ARNT2: variants seen among roughly 807,000 people sequenced by gnomAD.
ARNT2 encodes aryl hydrocarbon receptor nuclear translocator 2, also known as ARNT protein 2.
ARNT2 carries 36 observed loss-of-function variants against 91.7 expected under a neutral mutation model. The ratio of observed to expected loss-of-function variants is 0.39; its 90% CI spans 0.30 to 0.52. The LOEUF (loss-of-function observed/expected upper bound fraction) is 0.52. ARNT2 is among the 20% of genes least tolerant of loss of function. ARNT2 has a pLI of 0.72. For synonymous variants in ARNT2, 365 were observed against 347.1 expected, an observed-to-expected ratio of 1.05 and a Z score of -0.57; for missense variants, 775 against 939.3, an observed-to-expected ratio of 0.83 and a Z score of 2.29.
At chr15:80,585,247 C>A (rs1898874363) in intron 17 of ARNT2, among the ~76,000 whole-genome samples, 1 of 152,140 alleles carries the variant, frequency 6.6e-6, no homozygotes, top group Non-Finnish European at 1.5e-5. Context: ...ATGTAGCATC[C>A]ACTAGGAAAC....
intron 4 of ARNT2, among the ~76,000 whole-genome samples, chr15:80,472,118 G>T (rs201369024): frequency 9.6e-3 from 3 of 312 alleles, no homozygotes; most frequent in South Asian, 0.33. Flanking sequence ...GGGGGGCATT[G>T]GGGTGGGGAG....
At chr15:80,531,107 C>T (rs1479379530) in intron 8 of ARNT2, among the ~76,000 whole-genome samples, 2 of 152,206 alleles carry the variant, frequency 1.3e-5, no homozygotes, top group Admixed American at 1.3e-4. Context: ...CTGCTCGTAG[C>T]AGAAGGTGGT....
intron 8 of ARNT2, among the ~76,000 whole-genome samples, chr15:80,522,781 CTG>C (rs1318314705): frequency 7.7e-6 from 1 of 129,392 alleles, no homozygotes; most frequent in Non-Finnish European, 1.6e-5. Flanking sequence ...ATATATATAT[CTG>C]TTTGATATTT....
At chr15:80,503,287 G>T (rs1215646169) in intron 5 of ARNT2, among the ~76,000 whole-genome samples, 1 of 152,170 alleles carries the variant, frequency 6.6e-6, no homozygotes, top group Non-Finnish European at 1.5e-5. Flanking sequence ...ACTTGATTTT[G>T]TACATCTCAA....
chr15:80,516,828 AAT>A (rs56146872), intron 8 of ARNT2, among the ~76,000 whole-genome samples: 1,674 of 74,798 alleles, frequency 0.022, 104 homozygotes, highest in African/African-American at 0.056. Flanking sequence ...TACAATTACA[AAT>A]ATATATATAT....
chr15:80,467,029 G>C (rs1896665530), intron 3 of ARNT2, among the ~76,000 whole-genome samples: 1 of 152,224 alleles, frequency 6.6e-6, no homozygotes, highest in African/African-American at 2.4e-5. Flanking sequence ...AAGCTCTTTG[G>C]ATAATAGTAT....
At chr15:80,587,413 G>T (rs571218743) in intron 17 of ARNT2, among the ~76,000 whole-genome samples, 2 of 151,896 alleles carry the variant, frequency 1.3e-5, no homozygotes, top group Non-Finnish European at 2.9e-5. Flanking sequence ...TGGTGGGGGG[G>T]TGGGGTTGCG....
chr15:80,505,883 G>A (rs1012153023), intron 5 of ARNT2, among the ~76,000 whole-genome samples: 6 of 150,696 alleles, frequency 4.0e-5, no homozygotes, highest in African/African-American at 1.5e-4. Context: ...GCTTCCAAGA[G>A]AGGTCTGGCT....
At chr15:80,523,843 G>GT (rs1897592620) in intron 8 of ARNT2, among the ~76,000 whole-genome samples, 2 of 152,174 alleles carry the variant, frequency 1.3e-5, no homozygotes, top group Non-Finnish European at 2.9e-5. Flanking sequence ...AGTGTACAGG[G>GT]TAACAGAGCA....
At chr15:80,491,545 G>A (rs538764045) in intron 5 of ARNT2, among the ~76,000 whole-genome samples, 4 of 152,292 alleles carry the variant, frequency 2.6e-5, no homozygotes, top group South Asian at 4.1e-4. Context: ...AGGGGGAAAC[G>A]TCAGGCCAGG....
chr15:80,478,460 G>A lies in ARNT2; in HGVS notation c.622+3237G>A, dbSNP rs770798975. On this transcript the variant is annotated intron_variant, in intron 5 of 18. Transcript: ENST00000303329. ...TCCTCGGAGTGGACACTGGACTGTG[G>A]CCAAGGCAGCCAGAACCAGTACAGT... is the stretch of plus-strand genomic sequence containing the variant. 6.6e-5 allele frequency among the ~76,000 whole-genome samples: 10 copies of A among 152,346 alleles called. No homozygotes were observed. In the East Asian group the frequency reaches 7.7e-4, roughly 12 times the overall value.
At chr15:80,432,125 C>A (rs1266582927) in intron 1 of ARNT2, among the ~76,000 whole-genome samples, 1 of 152,252 alleles carries the variant, frequency 6.6e-6, no homozygotes, top group Non-Finnish European at 1.5e-5. Context: ...GGTAAAAATG[C>A]AGCATCTGTT....
chr15:80,569,158 C>G lies in ARNT2; in HGVS notation c.1317-4990C>G, dbSNP rs143407718. Among the ~76,000 whole-genome samples the G allele has an allele frequency of 4.3e-3, 661 of 152,306 alleles. 2 individuals carry two copies. Among genetic ancestry groups the G allele is most frequent in the African/African-American group, 0.015 (628 of 41,574 alleles). On this transcript the variant is annotated intron_variant, in intron 12 of 18. Coordinates refer to ENST00000303329, the MANE Select transcript of ARNT2 (RefSeq NM_014862.4). ...ATGATTCCAGCTACCTCAGAATGCC[C>G]GCTTCATGGCTTCTTGCTCACTTAC...
rs375492528 is a variant in ARNT2, at chr15:80,412,450, A to T, written c.31+7904A>T. Among the ~76,000 whole-genome samples, 7 of 152,288 alleles carry T rather than the reference A, an allele frequency of 4.6e-5. No individual in the cohort carries two copies. In the South Asian group the frequency reaches 1.5e-3, roughly 32 times the overall value. On this transcript the variant is annotated intron_variant, in intron 1 of 18. Coordinates refer to ENST00000303329, the MANE Select transcript of ARNT2 (RefSeq NM_014862.4). Reference sequence around the variant, plus strand: ...ACACTAAGATAATTCTGCCACCCATAACTAACATTTTTGCGTATATCCTTA... The same window carrying T: ...ACACTAAGATAATTCTGCCACCCATTACTAACATTTTTGCGTATATCCTTA...
Position 80,591,448 on chromosome 15 carries a change from C to A in ARNT2, c.1919-120C>A. 1 of 1,287,230 alleles carries A rather than the reference C, an allele frequency of 7.8e-7. No homozygotes were observed. The highest frequency in any genetic ancestry group is 1.3e-5 in the South Asian group (1 of 74,402). 79.7% of individuals were successfully genotyped at this position (1,287,230 alleles called of 1,614,324 possible). On this transcript the variant is annotated intron_variant, in intron 17 of 18. Coordinates refer to ENST00000303329, the MANE Select transcript of ARNT2 (RefSeq NM_014862.4). The surrounding 1 kb of genome is among the most constrained non-coding windows in gnomAD (Gnocchi z 5.1). ...GACGAGGATAGCAAACACATTCCGC[C>A]AGCTCTGGATGGAACGTGCCTTTCA...
chr15:80,459,817 CAT>C (rs1230560333), intron 3 of ARNT2, among the ~76,000 whole-genome samples: 1 of 152,226 alleles, frequency 6.6e-6, no homozygotes, highest in Admixed American at 6.5e-5. Context: ...GTGTTTCCAG[CAT>C]ATGCTGTTAC....
At chr15:80,565,301 C>T (rs1898457852) in intron 12 of ARNT2, among the ~76,000 whole-genome samples, 2 of 152,168 alleles carry the variant, frequency 1.3e-5, no homozygotes, top group African/African-American at 4.8e-5. Flanking sequence ...AATAGTGTTG[C>T]AATGAACCTG....
rs918838590 is a variant in ARNT2, at chr15:80,404,961, A to G, written c.31+415A>G. 1.3e-4 allele frequency among the ~76,000 whole-genome samples: 20 copies of G among 152,060 alleles called. No individual in the cohort carries two copies. The highest frequency in any genetic ancestry group is 2.6e-4 in the Non-Finnish European group (18 of 67,998). Reference sequence around the variant, plus strand: ...AGGGCTCCGCGCTGACGGAGGGAAAAGTTTGGAGCTGGGATTCAACAGGGT... The same window carrying G: ...AGGGCTCCGCGCTGACGGAGGGAAAGGTTTGGAGCTGGGATTCAACAGGGT... On this transcript the variant is annotated intron_variant, in intron 1 of 18. Transcript: ENST00000303329. The surrounding 1 kb of genome is among the most constrained non-coding windows in gnomAD (Gnocchi z 5.5).
chr15:80,545,134 G>A (rs571448098), intron 8 of ARNT2, among the ~76,000 whole-genome samples: 1 of 152,266 alleles, frequency 6.6e-6, no homozygotes, highest in South Asian at 2.1e-4. Context: ...CAGACCTTGG[G>A]GCAGTAACCC....
Sources: allele counts gnomAD v4.1 joint callset (sites outside exome capture counted in the v4.1 genomes callset), GRCh38; gene constraint gnomAD v4.1.1; non-coding constraint Gnocchi (gnomAD v3.1); transcripts MANE v1.5; gene names NCBI Gene and HGNC (gene_info 2026-07-23, HGNC 2026-07-21).